SIPA1L1: variants seen among roughly 807,000 people sequenced by gnomAD.
SIPA1L1 encodes signal-induced proliferation-associated 1-like protein 1.
In SIPA1L1, 26 loss-of-function variants were observed where a neutral mutation model predicts 162.7. The observed-to-expected ratio is 0.16, with a 90% CI of 0.12 to 0.22. The LOEUF (loss-of-function observed/expected upper bound fraction) is 0.22, where lower values mean the gene tolerates loss of function less well. Among genes scored for constraint, SIPA1L1 ranks in the 10% least tolerant of loss-of-function variants. The pLI is 1.00. For synonymous variants in SIPA1L1, 829 were observed against 837.4 expected, an observed-to-expected ratio of 0.99 and a Z score of 0.17; for missense variants, 1,874 against 2,241.0, an observed-to-expected ratio of 0.84 and a Z score of 3.31.
intron 12 of SIPA1L1, among the ~76,000 whole-genome samples, chr14:71,679,104 C>T (rs540133730): frequency 1.4e-3 from 210 of 152,092 alleles, no homozygotes; most frequent in Non-Finnish European, 2.5e-3. Flanking sequence ...AGATACTCCT[C>T]GAGAAGAGCA....
At chr14:71,668,567 T>C (rs1403548796) in intron 10 of SIPA1L1, among the ~76,000 whole-genome samples, 1 of 152,222 alleles carries the variant, frequency 6.6e-6, no homozygotes, top group Non-Finnish European at 1.5e-5. Context: ...TTCAGTAGAA[T>C]GTAAAATCGA....
chr14:71,501,677 GATGTAC>G (rs566093176), intron 2 of SIPA1L1, among the ~76,000 whole-genome samples: 94 of 152,220 alleles, frequency 6.2e-4, no homozygotes, highest in African/African-American at 2.1e-3. Context: ...AGTTCTAAAA[GATGTAC>G]ATGTAGAATT....
At chr14:71,730,848 A>G (rs1405822860) in intron 20 of SIPA1L1, among the ~76,000 whole-genome samples, 3 of 152,208 alleles carry the variant, frequency 2.0e-5, no homozygotes, top group African/African-American at 4.8e-5. Context: ...CACCTGGTCC[A>G]CATATGCCTT....
At chr14:71,652,396 C>T (rs146241149) in intron 8 of SIPA1L1, among the ~76,000 whole-genome samples, 208 of 152,284 alleles carry the variant, frequency 1.4e-3, no homozygotes, top group Non-Finnish European at 2.5e-3. Flanking sequence ...TGTCAAGAAA[C>T]TTTGAATATA....
chr14:71,738,259 C>T lies in SIPA1L1; in HGVS notation c.5142C>T (p.Pro1714=), dbSNP rs2085493322. The change falls in exon 23 of 24, where the codon CCC becomes CCT. Residue 1714 remains proline, a synonymous_variant. Transcript: ENST00000381232. ...KPYSSSKDSS[P]TLASKVDQLE... is the part of the protein sequence containing the mutation. ...TTCCCAGCAGTAAAGACTCCTCTCC[C>T]ACTCTGGCTTCTAAAGTGGACCAGC... The T allele has an allele frequency of 6.2e-7, 1 of 1,612,838 alleles. No individual in the cohort carries two copies. Among genetic ancestry groups the T allele is most frequent in the South Asian group, 1.1e-5 (1 of 91,022 alleles).
intron 4 of SIPA1L1, among the ~76,000 whole-genome samples, chr14:71,549,076 A>T (rs2055534011): frequency 6.6e-6 from 1 of 152,146 alleles, no homozygotes; most frequent in South Asian, 2.1e-4. Flanking sequence ...ACTTTTATTA[A>T]ACTTAATAAG....
chr14:71,724,269 G>A (rs191813082), intron 18 of SIPA1L1, among the ~76,000 whole-genome samples: 5 of 152,312 alleles, frequency 3.3e-5, no homozygotes, highest in African/African-American at 1.2e-4. Flanking sequence ...TACAAAGTGA[G>A]TGAGTACCCC....
intron 2 of SIPA1L1, among the ~76,000 whole-genome samples, chr14:71,456,674 G>A (rs1480979192): frequency 6.6e-6 from 1 of 152,202 alleles, no homozygotes; most frequent in Admixed American, 6.5e-5. Context: ...AATGTCTAAA[G>A]TGTGTTATAT....
At chr14:71,384,082 T>C (rs764676495) in intron 2 of SIPA1L1, among the ~76,000 whole-genome samples, 1 of 152,218 alleles carries the variant, frequency 6.6e-6, no homozygotes, top group African/African-American at 2.4e-5. Flanking sequence ...CTTGTTTTTT[T>C]TCTCAGCCAG....
rs933463124 is a variant in SIPA1L1, at chr14:71,432,954, T to C, written c.-464-79789T>C. ...CTTCCACTGAACATGCACAAATGCA[T>C]GTGTTGGTGTGTGTTTGTATGAAAG... On this transcript the variant is annotated intron_variant, in intron 2 of 23. Coordinates refer to ENST00000381232, the MANE Select transcript of SIPA1L1 (RefSeq NM_001386936.1). 2.6e-5 allele frequency among the ~76,000 whole-genome samples: 4 copies of C among 152,138 alleles called. 1 individual carries two copies. Among genetic ancestry groups the C allele is most frequent in the Non-Finnish European group, 4.4e-5 (3 of 68,026 alleles).
intron 2 of SIPA1L1, among the ~76,000 whole-genome samples, chr14:71,486,169 G>GT (rs1271007763): frequency 5.9e-5 from 9 of 152,230 alleles, no homozygotes; most frequent in African/African-American, 2.2e-4. Context: ...ATTTGCAACT[G>GT]TTTTTTGCCA....
chr14:71,607,424 A>T (rs955192660), intron 5 of SIPA1L1, among the ~76,000 whole-genome samples: 1 of 152,056 alleles, frequency 6.6e-6, no homozygotes, highest in Non-Finnish European at 1.5e-5. Flanking sequence ...TGGCTTACTA[A>T]TACCAATGCT....
intron 2 of SIPA1L1, among the ~76,000 whole-genome samples, chr14:71,323,506 C>A (rs1594805398): frequency 6.6e-6 from 1 of 152,036 alleles, no homozygotes; most frequent in African/African-American, 2.4e-5. Flanking sequence ...GTATGAATAT[C>A]CTGAAGATTT....
At chr14:71,522,821 G>A (rs995979552) in intron 3 of SIPA1L1, among the ~76,000 whole-genome samples, 1 of 151,898 alleles carries the variant, frequency 6.6e-6, no homozygotes, top group Non-Finnish European at 1.5e-5. Context: ...AGCCTCCCGA[G>A]TAGTTGGGAT....
intron 15 of SIPA1L1, chr14:71,704,925 C>A: frequency 1.5e-6 from 1 of 673,370 alleles, no homozygotes; most frequent in African/African-American, 1.8e-5. Flanking sequence ...AATTTTTCCC[C>A]CAAACCAAAA....
chr14:71,328,780 A>T (rs1186957726), intron 2 of SIPA1L1, among the ~76,000 whole-genome samples: 1 of 152,208 alleles, frequency 6.6e-6, no homozygotes, highest in Non-Finnish European at 1.5e-5. Context: ...TTTTAAAAAA[A>T]TTGTGGTAAA....
rs567897338 is a variant in SIPA1L1, at chr14:71,338,058, C to T, written c.-465+16877C>T. Among the ~76,000 whole-genome samples the T allele has an allele frequency of 8.5e-5, 13 of 152,348 alleles. No individual in the cohort carries two copies. The South Asian group carries it at 1.4e-3, about 17-fold the overall frequency. On this transcript the variant is annotated intron_variant, in intron 2 of 23. Transcript: ENST00000381232. Reference sequence around the variant, plus strand: ...TATCAGTATCTTGTCTCCCTTTTCCCTCTGGGCACCAGCCCCTGAACACTA... The same window carrying T: ...TATCAGTATCTTGTCTCCCTTTTCCTTCTGGGCACCAGCCCCTGAACACTA...
chr14:71,672,215 A>T, intron 11 of SIPA1L1, 133 bp from the exon 12 acceptor site: 1 of 836,134 alleles, frequency 1.2e-6, no homozygotes, highest in Admixed American at 2.5e-5. Context: ...GTGAAGAGGA[A>T]ATAACCAGAC....
chr14:71,514,973 G>A (rs2051561531), intron 3 of SIPA1L1, among the ~76,000 whole-genome samples: 1 of 152,202 alleles, frequency 6.6e-6, no homozygotes, highest in South Asian at 2.1e-4. Flanking sequence ...CTTAGTGACA[G>A]GAGAGCATGT....
Sources: allele counts gnomAD v4.1 joint callset (sites outside exome capture counted in the v4.1 genomes callset), GRCh38; gene constraint gnomAD v4.1.1; transcripts MANE v1.5; gene names NCBI Gene and HGNC (gene_info 2026-07-23, HGNC 2026-07-21).